RHOU: variants seen among roughly 807,000 people sequenced by gnomAD.
RHOU encodes the protein ras homolog family member U.
A neutral mutation model predicts 12.6 loss-of-function variants in RHOU; 8 were observed. The ratio of observed to expected loss-of-function variants is 0.64; its 90% confidence interval spans 0.37 to 1.15. The LOEUF (loss-of-function observed/expected upper bound fraction) is 1.15, where lower values mean the gene tolerates loss of function less well. Ranked by LOEUF, RHOU falls within the 50% of genes most tolerant of loss-of-function variation. RHOU has a pLI of 0.01. For missense variants in RHOU, 258 were observed against 347.0 expected (o/e 0.74, Z 2.04); for synonymous variants, 161 against 147.4 (o/e 1.09, Z -0.67).
chr1:228,682,365 C>T, the RHOU span, among the ~76,000 whole-genome samples: 1 of 152,200 alleles, frequency 6.6e-6, no homozygotes, highest in Non-Finnish European at 1.5e-5. Flanking sequence ...TCTCATGCTT[C>T]TGTGTGAAGA....
At chr1:228,671,961 A>G in the RHOU span, among the ~76,000 whole-genome samples, 3 of 152,334 alleles carry the variant, frequency 2.0e-5, no homozygotes, top group African/African-American at 7.2e-5. Context: ...GAATAAATGT[A>G]TACACCAAAG....
the RHOU span, among the ~76,000 whole-genome samples, chr1:228,671,435 G>A: frequency 1.3e-5 from 2 of 151,904 alleles, no homozygotes; most frequent in East Asian, 1.9e-4. Flanking sequence ...TATGACAATC[G>A]GCCGGGGGTG....
At chr1:228,677,515 C>T in the RHOU span, among the ~76,000 whole-genome samples, 1 of 151,430 alleles carries the variant, frequency 6.6e-6, no homozygotes, top group Non-Finnish European at 1.5e-5. Flanking sequence ...TTTTTTTTAG[C>T]AGTGAGTAAG....
At chr1:228,655,163 G>A in the RHOU span, among the ~76,000 whole-genome samples, 3 of 149,712 alleles carry the variant, frequency 2.0e-5, no homozygotes, top group East Asian at 3.9e-4. Flanking sequence ...GGAGTGCAGT[G>A]GCGCGATCTT....
chr1:228,711,557 G>A, the RHOU span, among the ~76,000 whole-genome samples: 14 of 152,222 alleles, frequency 9.2e-5, no homozygotes, highest in African/African-American at 3.1e-4. Flanking sequence ...AAGCAATGGG[G>A]AAAGGATTCC....
At chr1:228,731,929 G>A (rs561097384), upstream of RHOU, among the ~76,000 whole-genome samples, 1 of 152,278 alleles carries the variant, frequency 6.6e-6, no homozygotes, top group South Asian at 2.1e-4. Context: ...AAAAACAAAT[G>A]GGAATACATG....
chr1:228,726,239 G>A, the RHOU span, among the ~76,000 whole-genome samples: 1 of 152,288 alleles, frequency 6.6e-6, no homozygotes, highest in Non-Finnish European at 1.5e-5. Context: ...GTGATCAAGG[G>A]TGCTACTGTT....
chr1:228,672,863 A>T, the RHOU span, among the ~76,000 whole-genome samples: 6 of 152,146 alleles, frequency 3.9e-5, no homozygotes, highest in African/African-American at 1.4e-4. Context: ...GTACTGAGAC[A>T]AAGTCAATGA....
the RHOU span, among the ~76,000 whole-genome samples, chr1:228,696,244 AC>A: frequency 1.1e-4 from 16 of 151,206 alleles, no homozygotes; most frequent in African/African-American, 2.9e-4. Context: ...AAAAAAAAAA[AC>A]AAAACGAAGT....
At chr1:228,663,457 G>A in the RHOU span, among the ~76,000 whole-genome samples, 1 of 151,848 alleles carries the variant, frequency 6.6e-6, no homozygotes. Context: ...TCATAGGAAA[G>A]CAATAATAAG....
At chr1:228,649,789 T>C in the RHOU span, among the ~76,000 whole-genome samples, 1 of 152,232 alleles carries the variant, frequency 6.6e-6, no homozygotes, top group African/African-American at 2.4e-5. Context: ...TTGAAGATGA[T>C]AAACTGTATG....
At chr1:228,723,178 C>G in the RHOU span, among the ~76,000 whole-genome samples, 211 of 152,228 alleles carry the variant, frequency 1.4e-3, 1 homozygote, top group Middle Eastern at 6.8e-3. Context: ...GGTCCTCATG[C>G]CAGTTTCGAT....
chr1:228,671,753 G>A, the RHOU span, among the ~76,000 whole-genome samples: 1 of 150,036 alleles, frequency 6.7e-6, no homozygotes, highest in Admixed American at 6.7e-5. Flanking sequence ...AAGTGAAAAG[G>A]ATTGATGGAA....
the RHOU span, among the ~76,000 whole-genome samples, chr1:228,680,337 G>A: frequency 8.5e-5 from 13 of 152,278 alleles, no homozygotes; most frequent in South Asian, 2.1e-4. Context: ...GACAGGGCAC[G>A]GCTCAGGAGG....
At chr1:228,661,786 G>A in the RHOU span, among the ~76,000 whole-genome samples, 10 of 152,106 alleles carry the variant, frequency 6.6e-5, no homozygotes, top group Non-Finnish European at 1.2e-4. Context: ...CGTCATGACT[G>A]AAACACCAAA....
At chr1:228,719,054 A>G in the RHOU span, among the ~76,000 whole-genome samples, 1 of 152,278 alleles carries the variant, frequency 6.6e-6, no homozygotes, top group Non-Finnish European at 1.5e-5. Flanking sequence ...TACAGCACCT[A>G]TGTTGGAGGG....
chr1:228,721,340 G>A, the RHOU span, among the ~76,000 whole-genome samples: 4 of 152,152 alleles, frequency 2.6e-5, no homozygotes, highest in African/African-American at 9.7e-5. Flanking sequence ...CTTGTCTTTT[G>A]AAACAGTAAC....
At chr1:228,659,848 G>A in the RHOU span, among the ~76,000 whole-genome samples, 14 of 151,648 alleles carry the variant, frequency 9.2e-5, no homozygotes, top group East Asian at 2.7e-3. Flanking sequence ...GCCGGGTGTG[G>A]TGGCAGGCGC....
chr1:228,676,926 C>T, the RHOU span, among the ~76,000 whole-genome samples: 1 of 152,132 alleles, frequency 6.6e-6, no homozygotes, highest in Non-Finnish European at 1.5e-5. Flanking sequence ...TGCTTCAGGC[C>T]ATCTGGATGT....
Sources: allele counts gnomAD v4.1 joint callset (sites outside exome capture counted in the v4.1 genomes callset), GRCh38; gene constraint gnomAD v4.1.1; transcripts MANE v1.5; gene names NCBI Gene and HGNC (gene_info 2026-07-23, HGNC 2026-07-21).